TNFRSF9: variants seen among roughly 807,000 people sequenced by gnomAD.
TNFRSF9 encodes the protein tumor necrosis factor receptor superfamily member 9.
A neutral mutation model predicts 28.8 loss-of-function variants in TNFRSF9; 16 were observed. The ratio of observed to expected loss-of-function variants is 0.55; its 90% CI spans 0.38 to 0.84. TNFRSF9 has a LOEUF of 0.84. TNFRSF9 is among the 40% of genes least tolerant of loss of function. The pLI, the probability that TNFRSF9 is intolerant of heterozygous loss-of-function variation, is 0.00. For missense variants in TNFRSF9, 303 were observed against 315.0 expected (o/e 0.96, Z 0.29); for synonymous variants, 131 against 117.0 (o/e 1.12, Z -0.77).
rs1403354035 is a variant in TNFRSF9, at chr1:7,917,987, G to T, written c.*2848C>A. On this transcript the variant is annotated 3_prime_UTR_variant, in exon 8 of 8. Transcript: ENST00000377507. ...ATATATATATATATAGATATAGATA[G>T]ATAGATAGATAGATAGGCAGAATTT... 55 of 148,172 alleles carry T rather than the reference G, an allele frequency of 3.7e-4. No individual in the cohort carries two copies. Among genetic ancestry groups the T allele is most frequent in the African/African-American group, 1.4e-3 (54 of 38,692 alleles). The allele number at this position is 148,172 out of a possible 1,614,324, so 9.2% of individuals were successfully genotyped here. A position where few individuals can be genotyped will look rare whatever the true frequency, so the allele number is the denominator to read the frequency against.
intron 2 of TNFRSF9, among the ~76,000 whole-genome samples, chr1:7,939,560 C>T (rs560336036): frequency 6.3e-4 from 96 of 152,280 alleles, no homozygotes; most frequent in African/African-American, 2.3e-3. Flanking sequence ...CGCTGCTATG[C>T]CCCCAGTCGG....
At chr1:7,934,191 C>T (rs1191829494) in intron 6 of TNFRSF9, among the ~76,000 whole-genome samples, 1 of 151,990 alleles carries the variant, frequency 6.6e-6, no homozygotes, top group Non-Finnish European at 1.5e-5. Flanking sequence ...GCCTGAGCAA[C>T]ATAGCAAGAC....
intron 6 of TNFRSF9, among the ~76,000 whole-genome samples, chr1:7,934,151 G>C (rs1268555083): frequency 6.6e-6 from 1 of 152,084 alleles, no homozygotes; most frequent in Non-Finnish European, 1.5e-5. Flanking sequence ...CAAGGCAGGA[G>C]GATTGCTTGA....
intron 7 of TNFRSF9, among the ~76,000 whole-genome samples, chr1:7,929,449 G>C (rs1040218264): frequency 6.6e-6 from 1 of 152,106 alleles, no homozygotes; most frequent in African/African-American, 2.4e-5. Context: ...TTATAGGCAT[G>C]AGCCACTGTG....
intron 2 of TNFRSF9, among the ~76,000 whole-genome samples, chr1:7,939,068 A>T (rs1459830471): frequency 6.6e-6 from 1 of 152,094 alleles, no homozygotes; most frequent in Non-Finnish European, 1.5e-5. Flanking sequence ...GCCTGTAATC[A>T]CAGCACTTTG....
intron 7 of TNFRSF9, among the ~76,000 whole-genome samples, chr1:7,928,121 C>G (rs1639681149): frequency 6.6e-6 from 1 of 152,114 alleles, no homozygotes. Context: ...TCACTACATA[C>G]CTATTAGAAC....
At position 7,929,395 on chromosome 1, in the gene TNFRSF9, G is replaced by C. The variant is rs9658010; in HGVS notation, c.679+3767C>G. ...TTGGCCAGGCTGGTCTCGAACTCCT[G>C]ACCTCAGGTGATCCATCCGCCTCAG... On this transcript the variant is annotated intron_variant, in intron 7 of 7. Coordinates refer to ENST00000377507, the MANE Select transcript of TNFRSF9 (RefSeq NM_001561.6). Among the ~76,000 whole-genome samples, 1,421 of 151,934 alleles carry C rather than the reference G, an allele frequency of 9.4e-3. 25 individuals carry two copies. Among genetic ancestry groups the C allele is most frequent in the African/African-American group, 0.033 (1,354 of 41,418 alleles).
intron 7 of TNFRSF9, 33 bp from the exon 8 acceptor site, chr1:7,920,956 G>T (rs200110993): frequency 6.9e-7 from 1 of 1,450,030 alleles, no homozygotes; most frequent in Non-Finnish European, 9.7e-7. Flanking sequence ...CGTATATTTT[G>T]TTGTCTATTT....
At chr1:7,940,514 A>C (rs1441168394) in intron 1 of TNFRSF9, among the ~76,000 whole-genome samples, 10 of 152,178 alleles carry the variant, frequency 6.6e-5, no homozygotes, top group Admixed American at 6.5e-4. Context: ...TTAGCTGAAC[A>C]CCTAACTACT....
intron 7 of TNFRSF9, among the ~76,000 whole-genome samples, chr1:7,928,893 A>G (rs910052727): frequency 1.3e-5 from 2 of 152,078 alleles, no homozygotes; most frequent in Non-Finnish European, 2.9e-5. Context: ...ACAAACAACA[A>G]CAATAACAAC....
At chr1:7,939,813 G>A in intron 2 of TNFRSF9, 82 bp downstream of exon 2, 1 of 991,776 alleles carries the variant, frequency 1.0e-6, no homozygotes, top group Non-Finnish European at 1.5e-6. Flanking sequence ...TTAAAAGGGA[G>A]CTCGTTAGCC....
Position 7,935,124 on chromosome 1 carries a change from AC to A in TNFRSF9, c.432del (p.Lys144AsnfsTer5). On this transcript the variant is annotated frameshift_variant, in exon 6 of 8. Transcript: ENST00000377507. LOFTEE classifies it high-confidence loss of function. The stretch of plus-strand genomic sequence containing the variant: ...TCCTTCGTCCCATTCACAAGCACAG[AC>A]TTTCCATCCAAAGAACAGCTTAGAC... ...RPWTNCSLDG[K>X]SVLVNGTKER... 6.2e-7 allele frequency: 1 copy of A among 1,614,256 alleles called. No individual in the cohort carries two copies. The highest frequency in any genetic ancestry group is 8.5e-7 in the Non-Finnish European group (1 of 1,180,046).
intron 2 of TNFRSF9, 118 bp downstream of exon 2, chr1:7,939,777 A>T: frequency 1.5e-6 from 1 of 674,638 alleles, no homozygotes; most frequent in South Asian, 3.1e-5. Flanking sequence ...ACATTTGTAA[A>T]TGAATGAATT....
chr1:7,928,118 A>G (rs1639681106), intron 7 of TNFRSF9, among the ~76,000 whole-genome samples: 1 of 152,246 alleles, frequency 6.6e-6, no homozygotes, highest in Non-Finnish European at 1.5e-5. Context: ...ATGTCACTAC[A>G]TACCTATTAG....
intron 7 of TNFRSF9, among the ~76,000 whole-genome samples, chr1:7,932,559 C>T (rs550209156): frequency 6.6e-6 from 1 of 152,192 alleles, no homozygotes; most frequent in African/African-American, 2.4e-5. Flanking sequence ...CCTTGCCTTC[C>T]TCAAATATGG....
intron 7 of TNFRSF9, among the ~76,000 whole-genome samples, chr1:7,925,703 C>T (rs1047922633): frequency 1.1e-4 from 17 of 152,146 alleles, no homozygotes; most frequent in African/African-American, 4.1e-4. Context: ...AGTGACAGAT[C>T]ATCAGGTACT....
At chr1:7,924,294 CATATATAT>C (rs58569630) in intron 7 of TNFRSF9, among the ~76,000 whole-genome samples, 18,488 of 129,142 alleles carry the variant, frequency 0.14, 1,506 homozygotes, top group Non-Finnish European at 0.18. Flanking sequence ...TAGTATATTC[CATATATAT>C]ATATATATAT....
chr1:7,929,035 T>C (rs1337292241), intron 7 of TNFRSF9, among the ~76,000 whole-genome samples: 1 of 152,090 alleles, frequency 6.6e-6, no homozygotes, highest in Non-Finnish European at 1.5e-5. Context: ...ACCACAACCT[T>C]GCACCAAGGC....
rs33970118 is a variant in TNFRSF9 at position 7,920,304 on chromosome 1, C to CTT, written c.*529_*530dup. ...CCTGTTAAGTGGTATCTAGAAAATGCTTTTTTTTTTTTTTTTTTATCACCA... is the reference window on the plus strand; with the variant it reads ...CCTGTTAAGTGGTATCTAGAAAATGCTTTTTTTTTTTTTTTTTTTTATCACCA... On this transcript the variant is annotated 3_prime_UTR_variant, in exon 8 of 8. Transcript: ENST00000377507. 0.017 allele frequency: 2,171 copies of CTT among 127,584 alleles called. 44 individuals are homozygous for CTT. The highest frequency in any genetic ancestry group is 0.069 in the Middle Eastern group (17 of 246). The allele number at this position is 127,584 out of a possible 1,614,324, so 7.9% of individuals were successfully genotyped here.
Sources: gnomAD v4.1 joint callset for allele counts (sites outside exome capture counted in the v4.1 genomes callset) on GRCh38, gnomAD v4.1.1 for gene constraint, MANE v1.5 for transcripts, NCBI Gene and HGNC (gene_info 2026-07-23, HGNC 2026-07-21) for gene names.